The following DMD variants were observed in gnomAD, a reference collection of about 807,000 sequenced individuals.
DMD encodes mutant dystrophin.
A neutral mutation model predicts 330.1 loss-of-function variants in DMD; 63 were observed. The observed-to-expected ratio is 0.19, with a 90% CI of 0.16 to 0.24. The LOEUF (loss-of-function observed/expected upper bound fraction) is 0.24, where lower values mean the gene tolerates loss of function less well. Among genes scored for constraint, DMD ranks in the 10% least tolerant of loss-of-function variants. DMD has a pLI of 1.00. For missense variants in DMD, 3,344 were observed against 2,684.1 expected (o/e 1.25, Z -5.43); for synonymous variants, 1,223 against 959.8 (o/e 1.27, Z -5.07).
chrX:31,878,577 C>A (rs1399795834), intron 47 of DMD, among the ~76,000 whole-genome samples: 1 of 111,718 alleles, frequency 9.0e-6, no homozygotes. Flanking sequence ...TAGGCAAAAT[C>A]AAAAACAAAT....
At chrX:31,527,552 C>G (rs1019545327) in intron 55 of DMD, among the ~76,000 whole-genome samples, 1 of 111,661 alleles carries the variant, frequency 9.0e-6, no homozygotes, top group South Asian at 3.8e-4. Flanking sequence ...TGTGAGAGAT[C>G]TGGAAAGTGG....
At chrX:32,072,763 C>G (rs1443757544) in intron 44 of DMD, among the ~76,000 whole-genome samples, 2 of 111,406 alleles carry the variant, frequency 1.8e-5, no homozygotes, top group Admixed American at 9.5e-5. Flanking sequence ...CTTAGGTAGC[C>G]TGGGGAAAAA....
In DMD at chrX:31,863,674, GGTTA is replaced by G. The variant is rs774147483; in HGVS notation, c.7098+11510_7098+11513del. Among the ~76,000 whole-genome samples the G allele has an allele frequency of 6.3e-5, 7 of 111,113 alleles. No individual in the cohort carries two copies. The East Asian group carries it at 1.7e-3, about 27-fold the overall frequency. Reference sequence around the variant, plus strand: ...AAAGGTACATATATTTAGGTTATTTGGTTATTACTAAGTGTATTTATTATTAATA... The same window carrying G: ...AAAGGTACATATATTTAGGTTATTTGTTACTAAGTGTATTTATTATTAATA... On this transcript the variant is annotated intron_variant, in intron 48 of 78. Coordinates refer to ENST00000357033, the MANE Select transcript of DMD (RefSeq NM_004006.3).
intron 47 of DMD, among the ~76,000 whole-genome samples, chrX:31,922,050 T>G (rs1603602305): frequency 8.9e-6 from 1 of 111,843 alleles, no homozygotes; most frequent in Non-Finnish European, 1.9e-5. Context: ...GGGGCAGGCC[T>G]CTGACCTTCT....
chrX:32,919,240 T>C (rs922628611), intron 2 of DMD, among the ~76,000 whole-genome samples: 2 of 111,858 alleles, frequency 1.8e-5, no homozygotes, highest in South Asian at 3.8e-4. Flanking sequence ...GAAGTCCAGA[T>C]AGAATTGAGA....
intron 41 of DMD, among the ~76,000 whole-genome samples, chrX:32,323,444 A>G (rs1457263276): frequency 8.0e-5 from 9 of 111,916 alleles, no homozygotes; most frequent in Non-Finnish European, 1.7e-4. Context: ...GTGTAATTTA[A>G]GTAATAACAT....
chrX:32,382,443 T>C (rs1473703314), intron 33 of DMD, among the ~76,000 whole-genome samples: 3 of 111,076 alleles, frequency 2.7e-5, no homozygotes, highest in Admixed American at 1.9e-4. Context: ...AAGATAAAAA[T>C]ATGTATAAAG....
chrX:33,106,305 TA>T lies in DMD; in HGVS notation c.32-86106del, dbSNP rs1374355900. ...AAGTGGAGGGGGTGGGAATGAGGGA[TA>T]AAAAACTACATATTGGGTACAACGT... On this transcript the variant is annotated intron_variant, in intron 1 of 78. Transcript: ENST00000357033. 6.3e-5 allele frequency among the ~76,000 whole-genome samples: 7 copies of T among 110,507 alleles called. No individual in the cohort carries two copies. The East Asian group carries it at 2.0e-3, about 32-fold the overall frequency.
At chrX:32,523,425 C>G in intron 17 of DMD, among the ~76,000 whole-genome samples, 1 of 112,207 alleles carries the variant, frequency 8.9e-6, no homozygotes, top group Non-Finnish European at 1.9e-5. Context: ...ACCTTTCTCT[C>G]TATTAGCTAG....
chrX:31,416,682 C>G (rs2061887687), intron 60 of DMD, among the ~76,000 whole-genome samples: 1 of 112,340 alleles, frequency 8.9e-6, no homozygotes, highest in Non-Finnish European at 1.9e-5. Context: ...TGGAGGACTT[C>G]AGCATGAAGC....
At chrX:31,881,302 C>T (rs2094060585) in intron 47 of DMD, among the ~76,000 whole-genome samples, 1 of 108,653 alleles carries the variant, frequency 9.2e-6, no homozygotes, top group Non-Finnish European at 1.9e-5. Flanking sequence ...CCTGTAATCC[C>T]AGCACTTTGG....
intron 1 of DMD, among the ~76,000 whole-genome samples, chrX:33,053,527 C>T (rs764184018): frequency 1.9e-5 from 2 of 106,700 alleles, no homozygotes; most frequent in East Asian, 3.0e-4. Flanking sequence ...ACTCGGGAGG[C>T]GGAGGTTGCA....
chrX:33,087,891 G>A (rs906903105), intron 1 of DMD, among the ~76,000 whole-genome samples: 2 of 110,326 alleles, frequency 1.8e-5, no homozygotes, highest in Non-Finnish European at 3.8e-5. Context: ...CTCTGCTTAC[G>A]ATGAATTTTT....
Position 31,761,638 on chromosome X carries a change from C to T in DMD, c.7542+12322G>A, listed in dbSNP as rs139039064. Among the ~76,000 whole-genome samples the T allele has an allele frequency of 5.9e-3, 664 of 111,918 alleles. 9 individuals are homozygous for T. The highest frequency in any genetic ancestry group is 0.02 in the African/African-American group (623 of 30,813). On this transcript the variant is annotated intron_variant, in intron 51 of 78. Coordinates refer to ENST00000357033, the MANE Select transcript of DMD (RefSeq NM_004006.3). ...CTAATACCACGTATATTGATGCTAACGGACATGTTTAGAATTTGTCAGACT... is the reference window on the plus strand; with the variant it reads ...CTAATACCACGTATATTGATGCTAATGGACATGTTTAGAATTTGTCAGACT...
At chrX:32,531,062 G>T (rs753410628) in intron 17 of DMD, among the ~76,000 whole-genome samples, 1 of 111,412 alleles carries the variant, frequency 9.0e-6, no homozygotes, top group Non-Finnish European at 1.9e-5. Context: ...TTTCTTATCT[G>T]CATAACGAAA....
chrX:31,597,766 T>C (rs1315421537), intron 55 of DMD, among the ~76,000 whole-genome samples: 1 of 112,120 alleles, frequency 8.9e-6, no homozygotes, highest in Non-Finnish European at 1.9e-5. Flanking sequence ...ACCACTATTG[T>C]TAGTATTAAT....
At chrX:32,843,651 A>C (rs2080368613) in intron 4 of DMD, among the ~76,000 whole-genome samples, 1 of 112,235 alleles carries the variant, frequency 8.9e-6, no homozygotes, top group Admixed American at 9.5e-5. Context: ...GTAAGTGATC[A>C]ACGTACTCAA....
In DMD at chrX:33,121,231, C is replaced by CT. The variant is rs1246677116; in HGVS notation, c.31+90050dup. On this transcript the variant is annotated intron_variant, in intron 1 of 78. Coordinates refer to ENST00000357033, the MANE Select transcript of DMD (RefSeq NM_004006.3). ...TATAATTTTGACTCAATTTATCATT[C>CT]TTTTTTTTTTTTTTATTGAGACGGA... Among the ~76,000 whole-genome samples, 653 of 94,963 alleles carry CT rather than the reference C, an allele frequency of 6.9e-3. 1 individual carries two copies. Among genetic ancestry groups the CT allele is most frequent in the South Asian group, 0.029 (66 of 2,244 alleles). The allele number at this position is 94,963 out of a possible 115,157, so 82.5% of individuals were successfully genotyped here.
intron 16 of DMD, among the ~76,000 whole-genome samples, chrX:32,559,609 G>A (rs1464736776): frequency 9.0e-6 from 1 of 111,267 alleles, no homozygotes; most frequent in Non-Finnish European, 1.9e-5. Context: ...GCCAGAACGT[G>A]AACATAAAAT....
Sources: gnomAD v4.1 joint callset for allele counts (sites outside exome capture counted in the v4.1 genomes callset) on GRCh38, gnomAD v4.1.1 for gene constraint, MANE v1.5 for transcripts, NCBI Gene and HGNC (gene_info 2026-07-23, HGNC 2026-07-21) for gene names.